The following CCAR1 variants were observed in gnomAD, a reference collection of about 807,000 sequenced individuals.
CCAR1 encodes cell division cycle and apoptosis regulator 1.
A neutral mutation model predicts 163.8 loss-of-function variants in CCAR1; 78 were observed. The observed-to-expected ratio is 0.48, with a 90% CI of 0.40 to 0.57. The LOEUF is 0.57. Ranked by LOEUF, CCAR1 falls within the 20% of genes least tolerant of loss-of-function variation. The pLI is 0.00. For synonymous variants in CCAR1, 443 were observed against 460.7 expected (o/e 0.96, Z 0.49); for missense variants, 1,019 against 1,365.2 (o/e 0.75, Z 4.00).
At chr10:68,749,903 C>G (rs1471374192) in intron 10 of CCAR1, among the ~76,000 whole-genome samples, 1 of 151,918 alleles carries the variant, frequency 6.6e-6, no homozygotes, top group East Asian at 1.9e-4. Flanking sequence ...AAAAGGCAGC[C>G]CCTCAAGGAA....
At chr10:68,731,697 A>ACAAGTGCC (rs2056042179) in intron 2 of CCAR1, among the ~76,000 whole-genome samples, 1 of 150,838 alleles carries the variant, frequency 6.6e-6, no homozygotes, top group Non-Finnish European at 1.5e-5. Flanking sequence ...CTGGGTTCAA[A>ACAAGTGCC]CAAGTGCCTC....
intron 2 of CCAR1, among the ~76,000 whole-genome samples, chr10:68,725,680 A>T (rs931945395): frequency 1.6e-4 from 24 of 152,170 alleles, no homozygotes; most frequent in Non-Finnish European, 4.4e-5. Context: ...TATTTATTTT[A>T]TATCTCTTAC....
intron 6 of CCAR1, among the ~76,000 whole-genome samples, chr10:68,746,590 T>G (rs931066022): frequency 2.0e-5 from 3 of 152,036 alleles, no homozygotes; most frequent in Admixed American, 6.6e-5. Context: ...TTATTTTATT[T>G]ATTTATTTTT....
intron 10 of CCAR1, among the ~76,000 whole-genome samples, chr10:68,751,392 C>T (rs959392544): frequency 9.9e-5 from 15 of 152,114 alleles, no homozygotes; most frequent in Admixed American, 6.5e-5. Flanking sequence ...ACTTAAAAAT[C>T]TGTAGTCTGC....
chr10:68,737,757 G>A, intron 3 of CCAR1, 88 bp from the exon 4 acceptor site: 1 of 679,044 alleles, frequency 1.5e-6, no homozygotes, highest in South Asian at 1.8e-5. Flanking sequence ...TAGTGTAATT[G>A]TATGTATTTC....
At chr10:68,721,910 C>G (rs1232643287) in intron 1 of CCAR1, among the ~76,000 whole-genome samples, 1 of 152,172 alleles carries the variant, frequency 6.6e-6, no homozygotes, top group African/African-American at 2.4e-5. Context: ...ATTATCTCAA[C>G]GGCCTTTTCC....
chr10:68,753,647 T>C (rs1303555106), intron 10 of CCAR1, among the ~76,000 whole-genome samples: 2 of 152,204 alleles, frequency 1.3e-5, no homozygotes, highest in Non-Finnish European at 2.9e-5. Context: ...ACACTGAGAA[T>C]ACTATTTATT....
intron 15 of CCAR1, among the ~76,000 whole-genome samples, chr10:68,758,647 GTA>G (rs145079985): frequency 0.082 from 10,136 of 124,352 alleles, 1,177 homozygotes; most frequent in African/African-American, 0.26. Flanking sequence ...ATACACACGT[GTA>G]TATATATATA....
At position 68,773,328 on chromosome 10, in the gene CCAR1, G is replaced by A. The variant is rs554866105; in HGVS notation, c.2650+229G>A. On this transcript the variant is annotated intron_variant, in intron 19 of 24. Coordinates refer to ENST00000265872, the MANE Select transcript of CCAR1 (RefSeq NM_018237.4). The stretch of plus-strand genomic sequence containing the variant: ...ATATATAATTAATACTCAATTTGGC[G>A]GAACAAATTTCCCGGAACATGGTGC... 9.9e-5 allele frequency among the ~76,000 whole-genome samples: 15 copies of A among 151,814 alleles called. 1 individual carries two copies. Among genetic ancestry groups the A allele is most frequent in the African/African-American group, 2.4e-4 (10 of 41,308 alleles).
chr10:68,766,143 C>A, intron 17 of CCAR1, 64 bp downstream of exon 17: 1 of 933,172 alleles, frequency 1.1e-6, no homozygotes, highest in Non-Finnish European at 1.6e-6. Context: ...GTTAATATAT[C>A]TCTATCTCTG....
intron 19 of CCAR1, among the ~76,000 whole-genome samples, chr10:68,779,169 G>A (rs947653856): frequency 6.6e-6 from 1 of 151,592 alleles, no homozygotes; most frequent in African/African-American, 2.4e-5. Flanking sequence ...GAATACAAAA[G>A]CAGAATTATA....
At position 68,737,044 on chromosome 10, in the gene CCAR1, A is replaced by G. The variant is rs781481372; in HGVS notation, c.242A>G (p.Gln81Arg). 6.2e-7 allele frequency: 1 copy of G among 1,610,282 alleles called. No homozygotes were observed. Among genetic ancestry groups the G allele is most frequent in the African/African-American group, 1.3e-5 (1 of 74,802 alleles). ...GCCGCAGCTGCAGCAGCTGCATTACAACAGGTAAATCTTTAATATGTCTTA... is the reference window on the plus strand; with the variant it reads ...GCCGCAGCTGCAGCAGCTGCATTACGACAGGTAAATCTTTAATATGTCTTA... ...QQAAAAAAAL[Q>R]QQYSQPQQAL... Residue 81 changes from glutamine to arginine, a missense_variant, in exon 3 of 25, where the codon CAA becomes CGA. Transcript: ENST00000265872.
chr10:68,763,117 T>A (rs2056493936), intron 16 of CCAR1, among the ~76,000 whole-genome samples: 1 of 152,162 alleles, frequency 6.6e-6, no homozygotes, highest in Non-Finnish European at 1.5e-5. Flanking sequence ...GATTTCTTTT[T>A]TTTTAATGTA....
rs2056133025 is a variant in CCAR1 at position 68,737,906 on chromosome 10, CGTG to C, written c.291+18_291+20del. On this transcript the variant is annotated intron_variant, in intron 4 of 24. Transcript: ENST00000265872. ...CAACAACAGGTTAGTTTATATTTTC[CGTG>C]TTAAAAACTGATTTTAAAATAGCCA... is the stretch of plus-strand genomic sequence containing the variant. 1 of 1,554,272 alleles carries C rather than the reference CGTG, an allele frequency of 6.4e-7. No homozygotes were observed. Among genetic ancestry groups the C allele is most frequent in the Non-Finnish European group, 8.8e-7 (1 of 1,141,608 alleles).
intron 16 of CCAR1, among the ~76,000 whole-genome samples, chr10:68,764,368 G>C (rs570516333): frequency 6.7e-6 from 1 of 148,508 alleles, no homozygotes; most frequent in Admixed American, 6.7e-5. Context: ...AACTTCGTGA[G>C]ACCCCATCTC....
At chr10:68,729,790 G>T (rs1296119560) in intron 2 of CCAR1, among the ~76,000 whole-genome samples, 1 of 152,036 alleles carries the variant, frequency 6.6e-6, no homozygotes. Flanking sequence ...TTTTATAGTG[G>T]GGTCTTGCTA....
At chr10:68,779,530 A>G (rs1483711578) in intron 19 of CCAR1, among the ~76,000 whole-genome samples, 2 of 152,188 alleles carry the variant, frequency 1.3e-5, no homozygotes, top group Admixed American at 6.6e-5. Context: ...AAGTGCCGGG[A>G]TTACAGGCGT....
chr10:68,776,695 G>A (rs896401173), intron 19 of CCAR1, among the ~76,000 whole-genome samples: 2 of 152,196 alleles, frequency 1.3e-5, no homozygotes, highest in African/African-American at 2.4e-5. Context: ...TGGGACTACA[G>A]GTGCATGCCA....
chr10:68,769,254 A>G (rs569990719), intron 17 of CCAR1, among the ~76,000 whole-genome samples: 3 of 152,316 alleles, frequency 2.0e-5, no homozygotes, highest in African/African-American at 7.2e-5. Context: ...GATTACAGGC[A>G]CGAACCACCA....
Sources: gnomAD v4.1 joint callset for allele counts (sites outside exome capture counted in the v4.1 genomes callset) on GRCh38, gnomAD v4.1.1 for gene constraint, MANE v1.5 for transcripts, NCBI Gene and HGNC (gene_info 2026-07-23, HGNC 2026-07-21) for gene names.